The following BNIP1 variants were observed in gnomAD, a reference collection of about 807,000 sequenced individuals.
The protein encoded by BNIP1 is BCL2 interacting protein 1.
A neutral mutation model predicts 28.5 loss-of-function variants in BNIP1; 25 were observed. The observed-to-expected ratio is 0.88, with a 90% confidence interval of 0.64 to 1.23. The LOEUF (loss-of-function observed/expected upper bound fraction) is 1.23. Among genes scored for constraint, BNIP1 ranks in the 50% most tolerant of loss-of-function variants. BNIP1 has a pLI of 0.00. For synonymous variants in BNIP1, 118 were observed against 101.7 expected (o/e 1.16, Z -0.96); for missense variants, 276 against 277.0 (o/e 1.00, Z 0.02).
chr5:173,152,330 T>C (rs1224510953), intron 2 of BNIP1, among the ~76,000 whole-genome samples: 1 of 152,206 alleles, frequency 6.6e-6, no homozygotes, highest in African/African-American at 2.4e-5. Flanking sequence ...GATACAGCTC[T>C]GCTTATTCAT....
rs137874334 is a variant in BNIP1, at chr5:173,163,858, G to T, written c.624G>T (p.Ala208=). Residue 208 remains alanine, a synonymous_variant, in exon 6 of 6, where the codon GCG becomes GCT. Coordinates refer to ENST00000351486, the MANE Select transcript of BNIP1 (RefSeq NM_001205.3). ...ELTDKLLIFL[A]LALFLATVLY... ...CGGACAAGCTTCTCATCTTCCTTGCGCTAGCCCTGTTTCTTGCTACGGTCC... is the reference window on the plus strand; with the variant it reads ...CGGACAAGCTTCTCATCTTCCTTGCTCTAGCCCTGTTTCTTGCTACGGTCC... 4.7e-4 allele frequency: 760 copies of T among 1,613,962 alleles called. No individual in the cohort carries two copies. Among genetic ancestry groups the T allele is most frequent in the Non-Finnish European group, 5.7e-4 (670 of 1,179,970 alleles).
At chr5:173,146,729 T>C (rs1313271177) in intron 1 of BNIP1, 137 bp from the exon 2 acceptor site, 4 of 537,962 alleles carry the variant, frequency 7.4e-6, no homozygotes, top group African/African-American at 5.8e-5. Flanking sequence ...GTTGCAGAGG[T>C]AAACAGCAAA....
intron 5 of BNIP1, among the ~76,000 whole-genome samples, chr5:173,162,899 C>T (rs1760402406): frequency 6.6e-6 from 1 of 152,164 alleles, no homozygotes; most frequent in African/African-American, 2.4e-5. Flanking sequence ...TGTGATCCTC[C>T]AAGCTTTTGT....
chr5:173,160,472 G>T (rs2113860496), intron 5 of BNIP1, among the ~76,000 whole-genome samples: 1 of 152,268 alleles, frequency 6.6e-6, no homozygotes, highest in Non-Finnish European at 1.5e-5. Flanking sequence ...AACCTCAGGT[G>T]ATCCGCCTGC....
At position 173,146,870 on chromosome 5, in the gene BNIP1, T is replaced by C. The variant is rs1759851564; in HGVS notation, c.89T>C (p.Ile30Thr). The change falls in exon 2 of 6, where the codon ATC becomes ACC. Residue 30 changes from isoleucine (I) to threonine (T), a missense_variant. Ile to Thr is a moderately conservative substitution (Grantham distance 89). Coordinates refer to ENST00000351486, the MANE Select transcript of BNIP1 (RefSeq NM_001205.3). ...DLEVKALIQD[I>T]RDCSGPLSAL... Reference sequence around the variant, plus strand: ...CATCTGTTCAATGTCTCCTAGGATATCCGTGATTGTTCAGGACCCTTAAGT... The same window carrying C: ...CATCTGTTCAATGTCTCCTAGGATACCCGTGATTGTTCAGGACCCTTAAGT... 6.2e-7 allele frequency: 1 copy of C among 1,612,478 alleles called. No homozygotes were observed. The highest frequency in any genetic ancestry group is 8.5e-7 in the Non-Finnish European group (1 of 1,178,530).
At chr5:173,156,409 G>C (rs983839612) in intron 3 of BNIP1, among the ~76,000 whole-genome samples, 1 of 152,036 alleles carries the variant, frequency 6.6e-6, no homozygotes, top group African/African-American at 2.4e-5. Flanking sequence ...TTCGGGGGCC[G>C]AGGCAGGAGG....
chr5:173,155,312 G>GT (rs1484726546), intron 3 of BNIP1, among the ~76,000 whole-genome samples: 2 of 152,202 alleles, frequency 1.3e-5, no homozygotes, highest in African/African-American at 4.8e-5. Context: ...ACATGAAACA[G>GT]TATCTTTCCC....
At chr5:173,147,693 C>G (rs377490396) in intron 2 of BNIP1, among the ~76,000 whole-genome samples, 6 of 151,762 alleles carry the variant, frequency 4.0e-5, no homozygotes, top group East Asian at 3.9e-4. Flanking sequence ...GGTATATGTG[C>G]TGTCTCAAAA....
intron 2 of BNIP1, chr5:173,151,826 G>A (rs1290839169): frequency 2.5e-5 from 33 of 1,329,040 alleles, no homozygotes; most frequent in Non-Finnish European, 3.2e-5. Context: ...GACCTAATAA[G>A]CACATGGCCA....
chr5:173,150,509 T>C (rs1386578446), intron 2 of BNIP1, among the ~76,000 whole-genome samples: 1 of 152,204 alleles, frequency 6.6e-6, no homozygotes, highest in East Asian at 1.9e-4. Context: ...AGCGTCACCA[T>C]ACCTAGCTGA....
chr5:173,156,938 C>T (rs868692748), intron 3 of BNIP1, among the ~76,000 whole-genome samples: 1 of 150,994 alleles, frequency 6.6e-6, no homozygotes. Context: ...CGTGAGGCAC[C>T]GTGCCCAGCC....
Sources: allele counts gnomAD v4.1 joint callset (sites outside exome capture counted in the v4.1 genomes callset), GRCh38; gene constraint gnomAD v4.1.1; transcripts MANE v1.5; gene names NCBI Gene and HGNC (gene_info 2026-07-23, HGNC 2026-07-21).